TTC28: variants seen among roughly 807,000 people sequenced by gnomAD.
TTC28 encodes the protein tetratricopeptide repeat protein 28.
TTC28 carries 61 observed loss-of-function variants against 198.0 expected under a neutral mutation model. The ratio of observed to expected loss-of-function variants is 0.31; its 90% CI spans 0.25 to 0.38. The LOEUF (loss-of-function observed/expected upper bound fraction) is 0.38, where lower values mean the gene tolerates loss of function less well. Among genes scored for constraint, TTC28 ranks in the 10% least tolerant of loss-of-function variants. The probability of loss-of-function intolerance (pLI) is 1.00; values close to 1 mark genes in which losing one functional copy is unlikely to be tolerated. For synonymous variants in TTC28, 1,171 were observed against 1,297.8 expected, an observed-to-expected ratio of 0.90 and a Z score of 2.10; for missense variants, 2,678 against 3,164.0, an observed-to-expected ratio of 0.85 and a Z score of 3.69.
At chr22:28,670,420 A>G (rs2051860226) in intron 1 of TTC28, among the ~76,000 whole-genome samples, 1 of 152,130 alleles carries the variant, frequency 6.6e-6, no homozygotes, top group Admixed American at 6.6e-5. Flanking sequence ...TTTCACATAA[A>G]TAGAATCATT....
chr22:28,614,135 T>C (rs2050863774), intron 2 of TTC28, among the ~76,000 whole-genome samples: 1 of 152,116 alleles, frequency 6.6e-6, no homozygotes, highest in African/African-American at 2.4e-5. Context: ...TCACAAGCAT[T>C]CCTATACACC....
intron 5 of TTC28, among the ~76,000 whole-genome samples, chr22:28,277,374 T>C (rs1310031062): frequency 1.3e-5 from 2 of 152,182 alleles, no homozygotes; most frequent in Non-Finnish European, 2.9e-5. Context: ...ACAGACTATT[T>C]TTAGTGAGCT....
chr22:28,320,283 T>A (rs1190514049), intron 2 of TTC28, among the ~76,000 whole-genome samples: 1 of 151,178 alleles, frequency 6.6e-6, no homozygotes, highest in Non-Finnish European at 1.5e-5. Context: ...TTTTTTGGCA[T>A]GACTTTACAC....
At chr22:28,234,780 T>A (rs186565662) in intron 5 of TTC28, among the ~76,000 whole-genome samples, 1 of 152,292 alleles carries the variant, frequency 6.6e-6, no homozygotes, top group African/African-American at 2.4e-5. Flanking sequence ...TCCTGAATCC[T>A]CAGAGGCATA....
chr22:28,010,629 G>T (rs1418918639), intron 14 of TTC28, among the ~76,000 whole-genome samples: 2 of 152,116 alleles, frequency 1.3e-5, no homozygotes, highest in African/African-American at 4.8e-5. Flanking sequence ...CATGCTCAGG[G>T]GTGGGGCCTG....
intron 2 of TTC28, among the ~76,000 whole-genome samples, chr22:28,514,990 C>T (rs144602084): frequency 2.0e-5 from 3 of 152,276 alleles, no homozygotes; most frequent in Admixed American, 6.5e-5. Flanking sequence ...TTTTGAATAA[C>T]GAAGTGAATA....
At chr22:28,106,403 T>C (rs1226756797) in intron 7 of TTC28, among the ~76,000 whole-genome samples, 1 of 152,214 alleles carries the variant, frequency 6.6e-6, no homozygotes, top group African/African-American at 2.4e-5. Context: ...GGAAAGAGTA[T>C]GACCAAACCA....
chr22:28,296,809 C>A (rs972072400), intron 4 of TTC28, among the ~76,000 whole-genome samples: 1 of 152,166 alleles, frequency 6.6e-6, no homozygotes, highest in Non-Finnish European at 1.5e-5. Flanking sequence ...CCATCATAAT[C>A]ATAAGCCATA....
chr22:28,484,538 C>T (rs1413940806), intron 2 of TTC28, among the ~76,000 whole-genome samples: 1 of 152,158 alleles, frequency 6.6e-6, no homozygotes, highest in Non-Finnish European at 1.5e-5. Flanking sequence ...CCCTGGAAGC[C>T]TCTGGGGTAG....
chr22:28,309,608 C>T (rs1216269579), intron 2 of TTC28, among the ~76,000 whole-genome samples: 1 of 152,190 alleles, frequency 6.6e-6, no homozygotes, highest in African/African-American at 2.4e-5. Flanking sequence ...TCACAGGTCT[C>T]ACAGAAAGCC....
At chr22:28,204,900 A>C (rs1430413171) in intron 5 of TTC28, among the ~76,000 whole-genome samples, 1 of 152,160 alleles carries the variant, frequency 6.6e-6, no homozygotes, top group Non-Finnish European at 1.5e-5. Flanking sequence ...GGTAGCAGTA[A>C]ATATACTTTA....
At chr22:28,591,034 CACACACAT>C (rs1362306500) in intron 2 of TTC28, among the ~76,000 whole-genome samples, 48 of 48,044 alleles carry the variant, frequency 1.0e-3, no homozygotes, top group East Asian at 4.5e-3. Flanking sequence ...CACACACACA[CACACACAT>C]ATATATATAT....
At chr22:28,581,422 A>C (rs2050232607) in intron 2 of TTC28, among the ~76,000 whole-genome samples, 1 of 152,214 alleles carries the variant, frequency 6.6e-6, no homozygotes, top group African/African-American at 2.4e-5. Context: ...TACACCCTAT[A>C]ATGTCACAAA....
At position 28,386,304 on chromosome 22, in the gene TTC28, A is replaced by AAAAAAG. The variant is rs1569296639; in HGVS notation, c.382-79662_382-79661insCTTTTT. 1.4e-4 allele frequency among the ~76,000 whole-genome samples: 18 copies of AAAAAAG among 124,146 alleles called. 1 individual carries two copies. Among genetic ancestry groups the AAAAAAG allele is most frequent in the African/African-American group, 5.3e-4 (18 of 34,044 alleles). The allele number at this position is 124,146 out of a possible 152,430, so 81.4% of individuals were successfully genotyped here. On this transcript the variant is annotated intron_variant, in intron 2 of 22. Transcript: ENST00000397906. ...AAAAAAAAAAAAAAAAAAAAAAAAAAAAGAAGGCTTCACCAGTTTTAGCAG... is the reference window on the plus strand; with the variant it reads ...AAAAAAAAAAAAAAAAAAAAAAAAAAAAAAAGAAGAAGGCTTCACCAGTTTTAGCAG...
intron 5 of TTC28, among the ~76,000 whole-genome samples, chr22:28,234,518 G>T (rs1005525106): frequency 6.6e-6 from 1 of 151,294 alleles, no homozygotes; most frequent in Non-Finnish European, 1.5e-5. Context: ...GATTATAGGT[G>T]TGCACCACCA....
chr22:28,495,926 C>T (rs1181807689), intron 2 of TTC28, among the ~76,000 whole-genome samples: 2 of 152,172 alleles, frequency 1.3e-5, no homozygotes, highest in Admixed American at 1.3e-4. Flanking sequence ...TCCACCAAAT[C>T]TGCTCCCATC....
intron 2 of TTC28, among the ~76,000 whole-genome samples, chr22:28,623,572 C>T (rs1025123273): frequency 5.9e-5 from 9 of 152,180 alleles, no homozygotes; most frequent in African/African-American, 1.9e-4. Context: ...TATGGAACTA[C>T]ACCTCAAAAA....
chr22:28,561,248 T>C (rs2049873783), intron 2 of TTC28, among the ~76,000 whole-genome samples: 1 of 150,550 alleles, frequency 6.6e-6, no homozygotes, highest in Non-Finnish European at 1.5e-5. Context: ...CAATTTTTTT[T>C]TGTATTTTTA....
At chr22:28,589,540 A>T (rs1166633842) in intron 2 of TTC28, among the ~76,000 whole-genome samples, 1 of 152,090 alleles carries the variant, frequency 6.6e-6, no homozygotes, top group African/African-American at 2.4e-5. Flanking sequence ...GTCTATATTG[A>T]CTGCCCACAT....
Sources: gnomAD v4.1 joint callset for allele counts (sites outside exome capture counted in the v4.1 genomes callset) on GRCh38, gnomAD v4.1.1 for gene constraint, MANE v1.5 for transcripts, NCBI Gene and HGNC (gene_info 2026-07-23, HGNC 2026-07-21) for gene names.